XKR9: variants seen among roughly 807,000 people sequenced by gnomAD.
XKR9 encodes the protein XK related 9, also known as XK-related protein 9.
In XKR9, 32 loss-of-function variants were observed where a neutral mutation model predicts 32.0. The observed-to-expected ratio is 1.00, with a 90% CI of 0.76 to 1.34. The LOEUF is 1.34. Among genes scored for constraint, XKR9 ranks in the 40% most tolerant of loss-of-function variants. The pLI, the probability that XKR9 is intolerant of heterozygous loss-of-function variation, is 0.00. For missense variants in XKR9, 546 were observed against 429.7 expected (o/e 1.27, Z -2.39); for synonymous variants, 168 against 143.4 (o/e 1.17, Z -1.22).
chr8:70,824,999 A>C, the XKR9 span, among the ~76,000 whole-genome samples: 1 of 152,040 alleles, frequency 6.6e-6, no homozygotes, highest in Non-Finnish European at 1.5e-5. Context: ...TCAGGTTAAA[A>C]TGTTCAGTGT....
chr8:70,833,909 G>A, the XKR9 span, among the ~76,000 whole-genome samples: 4 of 152,050 alleles, frequency 2.6e-5, no homozygotes, highest in African/African-American at 9.7e-5. Flanking sequence ...TTCCTTTATT[G>A]TAGGCAATTT....
chr8:70,842,953 GAAA>G, the XKR9 span, among the ~76,000 whole-genome samples: 11 of 151,240 alleles, frequency 7.3e-5, no homozygotes, highest in Non-Finnish European at 1.6e-4. Context: ...AAGGAAAGAA[GAAA>G]AAAAAGAAGA....
At chr8:70,909,836 G>A in the XKR9 span, among the ~76,000 whole-genome samples, 1 of 148,318 alleles carries the variant, frequency 6.7e-6, no homozygotes, top group African/African-American at 2.5e-5. Context: ...AGCCTCCCAA[G>A]TAGCTGGGAC....
At chr8:70,921,140 C>T in the XKR9 span, among the ~76,000 whole-genome samples, 1 of 152,202 alleles carries the variant, frequency 6.6e-6, no homozygotes, top group South Asian at 2.1e-4. Context: ...CCTAATGATG[C>T]ATATGAAAAT....
chr8:70,879,803 C>G, the XKR9 span, among the ~76,000 whole-genome samples: 2 of 152,162 alleles, frequency 1.3e-5, no homozygotes, highest in Non-Finnish European at 2.9e-5. Context: ...GATACCAAAG[C>G]CTGGCAGAGA....
the XKR9 span, among the ~76,000 whole-genome samples, chr8:70,843,625 G>T: frequency 1.3e-5 from 2 of 152,308 alleles, no homozygotes; most frequent in East Asian, 3.9e-4. Flanking sequence ...GCAAAGATTG[G>T]ATGGGAACCT....
chr8:71,050,148 T>A, the XKR9 span, among the ~76,000 whole-genome samples: 2 of 151,290 alleles, frequency 1.3e-5, no homozygotes, highest in Non-Finnish European at 2.9e-5. Flanking sequence ...GGCTCATCTA[T>A]AAAAAGGAAG....
the XKR9 span, among the ~76,000 whole-genome samples, chr8:71,030,261 T>TG: frequency 6.6e-6 from 1 of 152,336 alleles, no homozygotes. Context: ...TTATTATTAC[T>TG]GTACTAAATA....
the XKR9 span, among the ~76,000 whole-genome samples, chr8:70,935,203 A>ACACATATG: frequency 2.1e-3 from 83 of 40,480 alleles, no homozygotes; most frequent in African/African-American, 8.1e-3. Context: ...ATACATATAC[A>ACACATATG]TATATACACA....
chr8:70,805,492 G>A, the XKR9 span, among the ~76,000 whole-genome samples: 1 of 152,196 alleles, frequency 6.6e-6, no homozygotes. Flanking sequence ...ACTCACAACT[G>A]CCTAACACGC....
the XKR9 span, among the ~76,000 whole-genome samples, chr8:70,948,245 T>G: frequency 6.6e-6 from 1 of 152,344 alleles, no homozygotes; most frequent in African/African-American, 2.4e-5. Context: ...TTCTGAGTGA[T>G]GTATTTCTAG....
chr8:70,699,182 G>C (rs908689484), intron 3 of XKR9, among the ~76,000 whole-genome samples: 2 of 152,066 alleles, frequency 1.3e-5, no homozygotes, highest in Non-Finnish European at 2.9e-5. Flanking sequence ...GTCCATTTAC[G>C]TTTAAAGTTA....
chr8:70,812,744 A>G, the XKR9 span, among the ~76,000 whole-genome samples: 2 of 152,224 alleles, frequency 1.3e-5, no homozygotes, highest in African/African-American at 4.8e-5. Flanking sequence ...AGGGATATGA[A>G]GGACCTCTTC....
the XKR9 span, among the ~76,000 whole-genome samples, chr8:70,945,238 G>C: frequency 6.6e-6 from 1 of 152,148 alleles, no homozygotes; most frequent in African/African-American, 2.4e-5. Context: ...TTACTTAATT[G>C]ATAAAGGTTT....
downstream of XKR9, among the ~76,000 whole-genome samples, chr8:70,739,438 C>T (rs1183579973): frequency 2.0e-5 from 3 of 152,190 alleles, no homozygotes; most frequent in East Asian, 5.8e-4. Context: ...CAGTCTGTGT[C>T]TTTTAACTGG....
the XKR9 span, among the ~76,000 whole-genome samples, chr8:71,001,686 G>A: frequency 0.32 from 48,245 of 151,808 alleles, 8,944 homozygotes; most frequent in Non-Finnish European, 0.43. Flanking sequence ...CTAGGGATGA[G>A]GATACAGCAC....
the XKR9 span, among the ~76,000 whole-genome samples, chr8:70,974,138 G>C: frequency 6.6e-6 from 1 of 151,684 alleles, no homozygotes; most frequent in Non-Finnish European, 1.5e-5. Flanking sequence ...ATAAATTTGG[G>C]AGCTCCAGTG....
the XKR9 span, among the ~76,000 whole-genome samples, chr8:70,847,064 A>G: frequency 6.6e-6 from 1 of 152,066 alleles, no homozygotes; most frequent in African/African-American, 2.4e-5. Context: ...CACATAAAAC[A>G]TTCTCCAGGG....
At chr8:70,854,110 C>T in the XKR9 span, among the ~76,000 whole-genome samples, 4 of 152,338 alleles carry the variant, frequency 2.6e-5, no homozygotes, top group Non-Finnish European at 5.9e-5. Flanking sequence ...ACACTGACTT[C>T]CACAATGGTT....
Sources: allele counts gnomAD v4.1 joint callset (sites outside exome capture counted in the v4.1 genomes callset), GRCh38; gene constraint gnomAD v4.1.1; transcripts MANE v1.5; gene names NCBI Gene and HGNC (gene_info 2026-07-23, HGNC 2026-07-21).